The following IMMP2L variants were observed in gnomAD, a reference collection of about 807,000 sequenced individuals.
IMMP2L encodes the protein inner mitochondrial membrane peptidase subunit 2.
IMMP2L carries 18 observed loss-of-function variants against 19.3 expected under a neutral mutation model. That is an observed-to-expected ratio of 0.93 (90% confidence interval 0.64 to 1.38). IMMP2L has a LOEUF of 1.38. Among genes scored for constraint, IMMP2L ranks in the 40% most tolerant of loss-of-function variants. The probability of loss-of-function intolerance (pLI) is 0.00; values close to 1 mark genes in which losing one functional copy is unlikely to be tolerated. For synonymous variants in IMMP2L, 76 were observed against 73.0 expected, an observed-to-expected ratio of 1.04 and a Z score of -0.21; for missense variants, 233 against 218.2, an observed-to-expected ratio of 1.07 and a Z score of -0.43.
At chr7:110,775,036 A>T (rs1016612449) in intron 5 of IMMP2L, among the ~76,000 whole-genome samples, 1 of 152,106 alleles carries the variant, frequency 6.6e-6, no homozygotes, top group African/African-American at 2.4e-5. Flanking sequence ...ACTTAGTGAT[A>T]TAGGAAAATA....
chr7:111,117,537 T>C (rs1800034606), intron 3 of IMMP2L, among the ~76,000 whole-genome samples: 1 of 152,046 alleles, frequency 6.6e-6, no homozygotes, highest in Non-Finnish European at 1.5e-5. Flanking sequence ...TTCCTGAGAG[T>C]TGTCATATAA....
chr7:110,956,055 T>C (rs1818324689), intron 4 of IMMP2L, among the ~76,000 whole-genome samples: 1 of 152,072 alleles, frequency 6.6e-6, no homozygotes, highest in Non-Finnish European at 1.5e-5. Context: ...CAACCAGCTA[T>C]GATAGGCTAA....
chr7:111,141,904 A>G (rs1802939870), intron 3 of IMMP2L, among the ~76,000 whole-genome samples: 1 of 152,126 alleles, frequency 6.6e-6, no homozygotes, highest in South Asian at 2.1e-4. Context: ...GGGTCTCACT[A>G]TGTTGCCCAG....
intron 3 of IMMP2L, among the ~76,000 whole-genome samples, chr7:111,437,155 T>TA (rs1837259406): frequency 6.6e-6 from 1 of 151,642 alleles, no homozygotes; most frequent in Non-Finnish European, 1.5e-5. Context: ...TTTAAAAAAA[T>TA]ACATCCACAG....
chr7:110,833,727 A>G (rs951768649), intron 5 of IMMP2L, among the ~76,000 whole-genome samples: 9 of 152,148 alleles, frequency 5.9e-5, no homozygotes, highest in Admixed American at 3.9e-4. Flanking sequence ...TTCAGGATAA[A>G]TTTCCCCTGT....
chr7:111,173,534 G>C (rs1806690098), intron 3 of IMMP2L, among the ~76,000 whole-genome samples: 1 of 151,686 alleles, frequency 6.6e-6, no homozygotes, highest in African/African-American at 2.4e-5. Context: ...TACATTGCCT[G>C]AATCTACTGG....
intron 3 of IMMP2L, among the ~76,000 whole-genome samples, chr7:111,007,328 G>A (rs531735202): frequency 3.3e-5 from 5 of 152,158 alleles, no homozygotes; most frequent in African/African-American, 1.2e-4. Flanking sequence ...TGAAATTTGG[G>A]TGGGGACACA....
At chr7:110,925,441 T>G (rs1435155116) in intron 4 of IMMP2L, among the ~76,000 whole-genome samples, 2 of 152,150 alleles carry the variant, frequency 1.3e-5, no homozygotes, top group African/African-American at 4.8e-5. Flanking sequence ...AAATAAATTT[T>G]TTTTAATTAT....
intron 5 of IMMP2L, among the ~76,000 whole-genome samples, chr7:110,788,553 C>T (rs946723743): frequency 1.3e-5 from 2 of 151,702 alleles, no homozygotes; most frequent in African/African-American, 2.4e-5. Context: ...CATCCAGCTC[C>T]GTGCTTTCAA....
rs1796663356 is a variant in IMMP2L, at chr7:110,736,768, T to C, written c.409-73047A>G. 2.0e-5 allele frequency among the ~76,000 whole-genome samples: 3 copies of C among 152,236 alleles called. No homozygotes were observed. The South Asian group carries it at 6.2e-4, about 31-fold the overall frequency. Reference sequence around the variant, plus strand: ...GTTGCATTTTGGAAGCAAAAACTTGTTTGATTTCACAGATTCACAGGTGGA... The same window carrying C: ...GTTGCATTTTGGAAGCAAAAACTTGCTTGATTTCACAGATTCACAGGTGGA... On this transcript the variant is annotated intron_variant, in intron 5 of 5. Coordinates refer to ENST00000405709, the MANE Select transcript of IMMP2L (RefSeq NM_032549.4).
At chr7:110,686,332 T>C (rs1374606222) in intron 5 of IMMP2L, among the ~76,000 whole-genome samples, 1 of 151,362 alleles carries the variant, frequency 6.6e-6, no homozygotes, top group African/African-American at 2.4e-5. Flanking sequence ...TTGTCTCCTC[T>C]GTTTTTTTGC....
intron 3 of IMMP2L, among the ~76,000 whole-genome samples, chr7:111,190,579 GAA>G (rs1355422748): frequency 6.6e-6 from 1 of 152,110 alleles, no homozygotes; most frequent in African/African-American, 2.4e-5. Flanking sequence ...TTGCAAGAGT[GAA>G]AGTTGGTGTC....
chr7:111,084,172 A>G (rs551259099), intron 3 of IMMP2L, among the ~76,000 whole-genome samples: 1 of 152,270 alleles, frequency 6.6e-6, no homozygotes, highest in Admixed American at 6.5e-5. Flanking sequence ...TATCTAGCAG[A>G]CAGAGAAGAT....
At chr7:111,194,676 TA>T (rs1459165367) in intron 3 of IMMP2L, among the ~76,000 whole-genome samples, 6 of 152,270 alleles carry the variant, frequency 3.9e-5, no homozygotes, top group African/African-American at 1.4e-4. Flanking sequence ...ATAAAAACAA[TA>T]ATCAATATTT....
intron 4 of IMMP2L, among the ~76,000 whole-genome samples, chr7:110,910,316 T>C (rs1812919466): frequency 6.6e-6 from 1 of 152,194 alleles, no homozygotes; most frequent in African/African-American, 2.4e-5. Context: ...ATAGCTGAGA[T>C]GAACTAGAAA....
intron 3 of IMMP2L, among the ~76,000 whole-genome samples, chr7:111,299,024 T>C (rs533523995): frequency 5.3e-5 from 8 of 152,058 alleles, no homozygotes; most frequent in Admixed American, 3.9e-4. Flanking sequence ...GGCACAACTA[T>C]CAGGACTAAC....
intron 3 of IMMP2L, among the ~76,000 whole-genome samples, chr7:111,438,619 A>G (rs1442915807): frequency 1.3e-5 from 2 of 152,036 alleles, no homozygotes; most frequent in East Asian, 3.9e-4. Context: ...AGAAATGATA[A>G]TGAAATATAA....
intron 3 of IMMP2L, among the ~76,000 whole-genome samples, chr7:111,391,282 C>A (rs151095622): frequency 4.7e-4 from 72 of 152,220 alleles, no homozygotes; most frequent in Middle Eastern, 3.4e-3. Context: ...ACATGCAGCA[C>A]CCTGTACAGG....
chr7:110,898,397 A>G (rs1274178730), intron 4 of IMMP2L, among the ~76,000 whole-genome samples: 1 of 152,100 alleles, frequency 6.6e-6, no homozygotes, highest in Non-Finnish European at 1.5e-5. Context: ...AATATCCTTC[A>G]TTTTGCCGTT....
Sources: allele counts gnomAD v4.1 joint callset (sites outside exome capture counted in the v4.1 genomes callset), GRCh38; gene constraint gnomAD v4.1.1; transcripts MANE v1.5; gene names NCBI Gene and HGNC (gene_info 2026-07-23, HGNC 2026-07-21).